Variants in ELMO1 observed in about 807,000 individuals in gnomAD.
The protein encoded by ELMO1 is engulfment and cell motility protein 1.
In ELMO1, 26 loss-of-function variants were observed where a neutral mutation model predicts 98.9. The ratio of observed to expected loss-of-function variants is 0.26; its 90% CI spans 0.19 to 0.36. ELMO1 has a LOEUF of 0.36. ELMO1 is among the 10% of genes least tolerant of loss of function. The probability of loss-of-function intolerance (pLI) is 1.00; values close to 1 mark genes in which losing one functional copy is unlikely to be tolerated. For synonymous variants in ELMO1, 346 were observed against 346.0 expected, an observed-to-expected ratio of 1.00 and a Z score of 0.00; for missense variants, 627 against 935.2, an observed-to-expected ratio of 0.67 and a Z score of 4.30.
intron 7 of ELMO1, 137 bp downstream of exon 7, chr7:37,244,219 G>T: frequency 1.0e-6 from 1 of 954,472 alleles, no homozygotes; most frequent in South Asian, 2.0e-5. Flanking sequence ...ACATCAAATA[G>T]AAAACAAAAA....
Position 37,293,739 on chromosome 7 carries a change from TA to T in ELMO1, c.192+21110del, listed in dbSNP as rs1209862113. On this transcript the variant is annotated intron_variant, in intron 4 of 21. Transcript: ENST00000310758. ...ATAAAAAAAAAAATAATAATAATAA[TA>T]AAAAAAAAGAGTGAAACTCTATATC... 2.5e-3 allele frequency among the ~76,000 whole-genome samples: 106 copies of T among 42,898 alleles called. 12 individuals carry two copies. The highest frequency in any genetic ancestry group is 7.6e-3 in the African/African-American group (104 of 13,612). 28.1% of individuals were successfully genotyped at this position (42,898 alleles called of 152,430 possible).
At chr7:37,009,076 T>C (rs931338555) in intron 16 of ELMO1, among the ~76,000 whole-genome samples, 1 of 152,074 alleles carries the variant, frequency 6.6e-6, no homozygotes, top group African/African-American at 2.4e-5. Context: ...TTTTTTACAG[T>C]GGAGTAGTTA....
intron 16 of ELMO1, among the ~76,000 whole-genome samples, chr7:36,904,985 C>G (rs952020563): frequency 2.0e-5 from 3 of 152,232 alleles, no homozygotes; most frequent in African/African-American, 7.2e-5. Flanking sequence ...TCTAATGGAG[C>G]CTGCCTCAGG....
intron 15 of ELMO1, among the ~76,000 whole-genome samples, chr7:37,040,061 T>G (rs1214673977): frequency 6.6e-6 from 1 of 152,200 alleles, no homozygotes; most frequent in Non-Finnish European, 1.5e-5. Flanking sequence ...TGTGTGTATG[T>G]GTGCGGACTG....
intron 2 of ELMO1, among the ~76,000 whole-genome samples, chr7:37,338,590 T>C (rs929609058): frequency 2.0e-5 from 3 of 152,206 alleles, no homozygotes; most frequent in Non-Finnish European, 2.9e-5. Flanking sequence ...TTAAATGTCC[T>C]TGGAGCCCAC....
At chr7:37,113,996 C>G (rs1207775380) in intron 14 of ELMO1, among the ~76,000 whole-genome samples, 1 of 152,206 alleles carries the variant, frequency 6.6e-6, no homozygotes, top group Non-Finnish European at 1.5e-5. Context: ...TTTGTTATGG[C>G]AGCCCTAGCT....
chr7:37,274,958 G>C (rs747486585), intron 4 of ELMO1, among the ~76,000 whole-genome samples: 8 of 152,192 alleles, frequency 5.3e-5, no homozygotes, highest in Non-Finnish European at 1.2e-4. Flanking sequence ...CGGAGTTTTT[G>C]TTTCTCATGC....
chr7:37,083,489 A>C (rs542476079), intron 15 of ELMO1, among the ~76,000 whole-genome samples: 4 of 152,316 alleles, frequency 2.6e-5, no homozygotes, highest in East Asian at 3.9e-4. Flanking sequence ...ATAAAAAAAA[A>C]CATGGAAATA....
At chr7:37,384,221 G>A (rs934519181) in intron 1 of ELMO1, among the ~76,000 whole-genome samples, 3 of 152,158 alleles carry the variant, frequency 2.0e-5, no homozygotes, top group African/African-American at 7.2e-5. Context: ...TGATAATACA[G>A]ATTATTACCT....
chr7:36,948,385 T>C (rs1787684089), intron 16 of ELMO1, among the ~76,000 whole-genome samples: 2 of 152,202 alleles, frequency 1.3e-5, no homozygotes, highest in Non-Finnish European at 2.9e-5. Flanking sequence ...CACATTGAGT[T>C]AGAATGTCAT....
chr7:36,969,845 CAA>C lies in ELMO1; in HGVS notation c.1437+43452_1437+43453del, dbSNP rs200688361. Among the ~76,000 whole-genome samples the C allele has an allele frequency of 1.8e-4, 28 of 152,156 alleles. No homozygotes were observed. The East Asian group carries it at 5.2e-3, about 28-fold the overall frequency. On this transcript the variant is annotated intron_variant, in intron 16 of 21. Coordinates refer to ENST00000310758, the MANE Select transcript of ELMO1 (RefSeq NM_014800.11). ...ATCATATTTCTTTAATAATTAAAGT[CAA>C]GAGTAAAACATTCCCTTTATGAACC...
intron 15 of ELMO1, among the ~76,000 whole-genome samples, chr7:37,016,690 G>A (rs942686594): frequency 3.9e-5 from 6 of 152,286 alleles, no homozygotes; most frequent in Admixed American, 1.3e-4. Flanking sequence ...GGCCTGCACC[G>A]CCAGCAGCCA....
At chr7:36,871,976 T>C (rs948818706) in intron 19 of ELMO1, among the ~76,000 whole-genome samples, 2 of 152,190 alleles carry the variant, frequency 1.3e-5, no homozygotes, top group Admixed American at 1.3e-4. Context: ...TCCCCTGCCA[T>C]ATCTCACCAC....
chr7:37,181,800 C>G (rs1490281868), intron 13 of ELMO1, among the ~76,000 whole-genome samples: 1 of 152,156 alleles, frequency 6.6e-6, no homozygotes, highest in Admixed American at 6.5e-5. Context: ...ACAATGGCCT[C>G]TGATTACTAC....
Position 36,925,060 on chromosome 7 carries a change from T to C in ELMO1, c.1438-30043A>G, listed in dbSNP as rs1383698509. 3.3e-5 allele frequency among the ~76,000 whole-genome samples: 5 copies of C among 152,080 alleles called. No homozygotes were observed. The East Asian group carries it at 9.7e-4, about 29-fold the overall frequency. The stretch of plus-strand genomic sequence containing the variant: ...AGGCCAGGGATGCTGCTACACGTTG[T>C]ACAATGCACAGGACAGACCGCCAAC... On this transcript the variant is annotated intron_variant, in intron 16 of 21. Coordinates refer to ENST00000310758, the MANE Select transcript of ELMO1 (RefSeq NM_014800.11).
chr7:36,950,354 G>A (rs1204601265), intron 16 of ELMO1, among the ~76,000 whole-genome samples: 1 of 152,194 alleles, frequency 6.6e-6, no homozygotes. Flanking sequence ...CAGGAGATGA[G>A]CAGAGTCAAA....
intron 1 of ELMO1, among the ~76,000 whole-genome samples, chr7:37,433,558 T>C (rs1805020945): frequency 6.6e-6 from 1 of 152,126 alleles, no homozygotes; most frequent in South Asian, 2.1e-4. Flanking sequence ...TTTTGCTTGG[T>C]GTTTCCCCTT....
intron 16 of ELMO1, chr7:36,985,989 G>C (rs1014311839): frequency 1.0e-6 from 1 of 1,002,712 alleles, no homozygotes; most frequent in African/African-American, 1.7e-5. Context: ...ACCACAAAGC[G>C]ACTTAGAGTC....
chr7:37,336,697 G>C (rs2131228574), intron 2 of ELMO1, among the ~76,000 whole-genome samples: 1 of 152,278 alleles, frequency 6.6e-6, no homozygotes. Flanking sequence ...GGGCAGCTTT[G>C]CCGAGCGTAA....
Sources: gnomAD v4.1 joint callset for allele counts (sites outside exome capture counted in the v4.1 genomes callset) on GRCh38, gnomAD v4.1.1 for gene constraint, MANE v1.5 for transcripts, NCBI Gene and HGNC (gene_info 2026-07-23, HGNC 2026-07-21) for gene names.